Variants in ABHD2 observed in about 807,000 individuals in gnomAD.
ABHD2 encodes monoacylglycerol lipase ABHD2.
In ABHD2, 20 loss-of-function variants were observed where a neutral mutation model predicts 48.1. That is an observed-to-expected ratio of 0.42 (90% confidence interval 0.29 to 0.60). The LOEUF (loss-of-function observed/expected upper bound fraction) is 0.60. ABHD2 is among the 20% of genes least tolerant of loss of function. The pLI, the probability that ABHD2 is intolerant of heterozygous loss-of-function variation, is 0.24. For missense variants in ABHD2, 405 were observed against 550.9 expected (o/e 0.74, Z 2.65); for synonymous variants, 209 against 214.2 (o/e 0.98, Z 0.21).
In ABHD2 at chr15:89,182,607, G is replaced by C. The variant is rs965789189; in HGVS notation, c.723-2817G>C. ...AGTTCTAGACCACCCTGGCCAACAT[G>C]ACGAAACCCCGTATTCTACTAAAAA... is the stretch of plus-strand genomic sequence containing the variant. On this transcript the variant is annotated intron_variant, in intron 6 of 10. Transcript: ENST00000352732. This position sits in a 1 kb window ranked among gnomAD's most constrained non-coding sequence, Gnocchi z 4.8. Among the ~76,000 whole-genome samples, 2 of 152,100 alleles carry C rather than the reference G, an allele frequency of 1.3e-5. No individual in the cohort carries two copies. Among genetic ancestry groups the C allele is most frequent in the Non-Finnish European group, 2.9e-5 (2 of 68,026 alleles).
the ABHD2 span, among the ~76,000 whole-genome samples, chr15:89,077,682 T>G: frequency 2.6e-5 from 4 of 152,202 alleles, no homozygotes; most frequent in Non-Finnish European, 5.9e-5. Context: ...GAATCGTGCT[T>G]GTCTCTTAGT....
upstream of ABHD2, among the ~76,000 whole-genome samples, chr15:89,083,390 C>G (rs151142902): frequency 1.0e-3 from 158 of 152,274 alleles, no homozygotes; most frequent in Non-Finnish European, 6.0e-4. The surrounding 1 kb of genome is among the most constrained non-coding windows in gnomAD (Gnocchi z 5.1). Context: ...TGCATGGTGA[C>G]TAAGAAGAAG....
At chr15:89,161,508 C>A (rs1292449358) in intron 5 of ABHD2, among the ~76,000 whole-genome samples, 1 of 152,200 alleles carries the variant, frequency 6.6e-6, no homozygotes, top group Non-Finnish European at 1.5e-5. Flanking sequence ...TCAAGTGATT[C>A]TCCTGCCTCA....
Position 89,146,801 on chromosome 15 carries a change from A to G in ABHD2, c.195-4876A>G, listed in dbSNP as rs1173735043. On this transcript the variant is annotated intron_variant, in intron 3 of 10. Coordinates refer to ENST00000352732, the MANE Select transcript of ABHD2 (RefSeq NM_152924.5). This position sits in a 1 kb window ranked among gnomAD's most constrained non-coding sequence, Gnocchi z 4.2. ...AATTTTACTATAGGATTTAATGGAG[A>G]GATGTACCATGTTTTTGGATGGGAC... Among the ~76,000 whole-genome samples the G allele has an allele frequency of 6.6e-6, 1 of 152,222 alleles. No individual in the cohort carries two copies. Among genetic ancestry groups the G allele is most frequent in the East Asian group, 1.9e-4 (1 of 5,208 alleles).
rs1323128998 is a variant in ABHD2, at chr15:89,146,409, TA to T, written c.195-5267del. On this transcript the variant is annotated intron_variant, in intron 3 of 10. Coordinates refer to ENST00000352732, the MANE Select transcript of ABHD2 (RefSeq NM_152924.5). This position sits in a 1 kb window ranked among gnomAD's most constrained non-coding sequence, Gnocchi z 4.2. ...GTGTGTGTGTGTGTGTACGTATGTA[TA>T]TGGGGGGTGGGAGGGAGATCCAGAC... Among the ~76,000 whole-genome samples, 2 of 147,804 alleles carry T rather than the reference TA, an allele frequency of 1.4e-5. No homozygotes were observed. The highest frequency in any genetic ancestry group is 5.0e-5 in the African/African-American group (2 of 39,712).
chr15:89,139,536 A>G (rs1443880969), intron 3 of ABHD2, among the ~76,000 whole-genome samples: 1 of 152,134 alleles, frequency 6.6e-6, no homozygotes, highest in African/African-American at 2.4e-5. Context: ...GTATTTGTTG[A>G]ATTTTATTAA....
intron 1 of ABHD2, among the ~76,000 whole-genome samples, chr15:89,089,620 A>T (rs1197997914): frequency 6.6e-6 from 1 of 152,184 alleles, no homozygotes; most frequent in African/African-American, 2.4e-5. Context: ...GGCTCCACAG[A>T]GGGACCTGGA....
chr15:89,174,932 T>A lies in ABHD2; in HGVS notation c.539-880T>A, dbSNP rs2050987463. Among the ~76,000 whole-genome samples, 1 of 152,160 alleles carries A rather than the reference T, an allele frequency of 6.6e-6. No individual in the cohort carries two copies. The highest frequency in any genetic ancestry group is 1.5e-5 in the Non-Finnish European group (1 of 68,030). On this transcript the variant is annotated intron_variant, in intron 5 of 10. Coordinates refer to ENST00000352732, the MANE Select transcript of ABHD2 (RefSeq NM_152924.5). This position sits in a 1 kb window ranked among gnomAD's most constrained non-coding sequence, Gnocchi z 4.1. ...GGCAAATGAGGCCCAAACAACCCTC[T>A]CTGTTAAGAGGTCTCATCTGTGTAT...
the ABHD2 span, among the ~76,000 whole-genome samples, chr15:89,054,686 AG>A: frequency 6.8e-6 from 1 of 147,598 alleles, no homozygotes; most frequent in South Asian, 2.3e-4. Context: ...TTTCAAAAAA[AG>A]AAAAAAGAAA....
rs529055796 is a variant in ABHD2 at position 89,201,787 on chromosome 15, C to T, written c.*6364C>T. 2.7e-4 allele frequency: 384 copies of T among 1,428,600 alleles called. 3 individuals carry two copies. In the East Asian group the frequency reaches 6.3e-3, roughly 23 times the overall value. The allele number at this position is 1,428,600 out of a possible 1,614,324, so 88.5% of individuals were successfully genotyped here. A position where few individuals can be genotyped will look rare whatever the true frequency, so the allele number is the denominator to read the frequency against. On this transcript the variant is annotated 3_prime_UTR_variant, in exon 11 of 11. Coordinates refer to ENST00000352732, the MANE Select transcript of ABHD2 (RefSeq NM_152924.5). ...ATCTGCTCGTGCTTCGCCGTGGCCC[C>T]GGAGGCAGACGCCATTGGAGAGACA...
intron 4 of ABHD2, among the ~76,000 whole-genome samples, chr15:89,154,840 G>C (rs563438352): frequency 2.1e-4 from 32 of 152,276 alleles, no homozygotes; most frequent in Middle Eastern, 6.8e-3. Context: ...TTGCATGATT[G>C]AACACAACCT....
chr15:89,084,296 CCTAAAA>C (rs1168695532), upstream of ABHD2, among the ~76,000 whole-genome samples: 2 of 151,404 alleles, frequency 1.3e-5, no homozygotes, highest in Non-Finnish European at 2.9e-5. This position sits in a 1 kb window ranked among gnomAD's most constrained non-coding sequence, Gnocchi z 4.4. Context: ...TTGTTATAAA[CCTAAAA>C]CTATTTATTT....
In ABHD2 at chr15:89,088,607, C is replaced by T. The variant is rs1224680659; in HGVS notation, c.-107+44C>T. ...GAGCTCCGCGGAGCGGGGATCGCAC[C>T]CCGGACCCGTCGAACCGAATCTCCG... On this transcript the variant is annotated intron_variant, in intron 1 of 10. Coordinates refer to ENST00000352732, the MANE Select transcript of ABHD2 (RefSeq NM_152924.5). This position sits in a 1 kb window ranked among gnomAD's most constrained non-coding sequence, Gnocchi z 6.8. 1 of 152,340 alleles carries T rather than the reference C, an allele frequency of 6.6e-6. No homozygotes were observed. Among genetic ancestry groups the T allele is most frequent in the Non-Finnish European group, 1.5e-5 (1 of 68,134 alleles). The allele number at this position is 152,340 out of a possible 1,614,324, so 9.4% of individuals were successfully genotyped here.
intron 1 of ABHD2, among the ~76,000 whole-genome samples, chr15:89,109,697 AAG>A (rs1407640745): frequency 6.6e-6 from 1 of 152,180 alleles, no homozygotes; most frequent in Admixed American, 6.5e-5. Flanking sequence ...TTGGGGAAAA[AAG>A]AATACCATAA....
chr15:89,068,250 A>C, the ABHD2 span, among the ~76,000 whole-genome samples: 1 of 151,952 alleles, frequency 6.6e-6, no homozygotes, highest in East Asian at 1.9e-4. Context: ...TGTATAAATG[A>C]TTTCAGTTAT....
Position 89,120,599 on chromosome 15 carries a change from A to G in ABHD2, c.194+4078A>G, listed in dbSNP as rs1016450440. Among the ~76,000 whole-genome samples the G allele has an allele frequency of 4.6e-5, 7 of 152,016 alleles. No individual in the cohort carries two copies. The highest frequency in any genetic ancestry group is 7.3e-5 in the African/African-American group (3 of 41,378). On this transcript the variant is annotated intron_variant, in intron 3 of 10. Coordinates refer to ENST00000352732, the MANE Select transcript of ABHD2 (RefSeq NM_152924.5). The surrounding 1 kb of genome is among the most constrained non-coding windows in gnomAD (Gnocchi z 4.2). ...CCTCACGGGTTCAAGTGATTCTCCTACCTCAGCCTCCTGAGTAGCTGGGAT... is the reference window on the plus strand; with the variant it reads ...CCTCACGGGTTCAAGTGATTCTCCTGCCTCAGCCTCCTGAGTAGCTGGGAT...
chr15:89,157,660 G>A lies in ABHD2; in HGVS notation c.538+2126G>A, dbSNP rs1596127824. On this transcript the variant is annotated intron_variant, in intron 5 of 10. Transcript: ENST00000352732. ...AGATGGAGACCATCCTGGCTAACAT[G>A]GTGAAACCCCATCTCTACTAAAAAT... Among the ~76,000 whole-genome samples the A allele has an allele frequency of 2.6e-5, 4 of 152,202 alleles. 1 individual carries two copies. Among genetic ancestry groups the A allele is most frequent in the Admixed American group, 2.6e-4 (4 of 15,292 alleles).
chr15:89,065,263 C>T, the ABHD2 span, among the ~76,000 whole-genome samples: 2 of 152,276 alleles, frequency 1.3e-5, no homozygotes, highest in Admixed American at 1.3e-4. Flanking sequence ...TCCACCTCTG[C>T]CTCTACTCCC....
At position 89,188,661 on chromosome 15, in the gene ABHD2, G is replaced by A. The variant is rs1339307376; in HGVS notation, c.926+358G>A. Among the ~76,000 whole-genome samples the A allele has an allele frequency of 6.6e-6, 1 of 152,126 alleles. No homozygotes were observed. The stretch of plus-strand genomic sequence containing the variant: ...CAGGTGCCACATAAATCTGCATTTC[G>A]CAGTGGAGTAAAAGGCAAAAGAAAT... On this transcript the variant is annotated intron_variant, in intron 8 of 10. Transcript: ENST00000352732. This position sits in a 1 kb window ranked among gnomAD's most constrained non-coding sequence, Gnocchi z 4.1.
Sources: allele counts gnomAD v4.1 joint callset (sites outside exome capture counted in the v4.1 genomes callset), GRCh38; gene constraint gnomAD v4.1.1; non-coding constraint Gnocchi (gnomAD v3.1); transcripts MANE v1.5; gene names NCBI Gene and HGNC (gene_info 2026-07-23, HGNC 2026-07-21).